The following TMEM178A variants were observed in gnomAD, a reference collection of about 807,000 sequenced individuals.
TMEM178A encodes transmembrane protein 178.
TMEM178A carries 12 observed loss-of-function variants against 29.1 expected under a neutral mutation model. The observed-to-expected ratio is 0.41, with a 90% CI of 0.26 to 0.67. The LOEUF is 0.67. Among genes scored for constraint, TMEM178A ranks in the 30% least tolerant of loss-of-function variants. TMEM178A has a pLI of 0.29. For missense variants in TMEM178A, 366 were observed against 419.1 expected, an observed-to-expected ratio of 0.87 and a Z score of 1.11; for synonymous variants, 210 against 187.2, an observed-to-expected ratio of 1.12 and a Z score of -0.99.
intron 1 of TMEM178A, among the ~76,000 whole-genome samples, chr2:39,671,751 GT>G (rs1171563750): frequency 6.6e-6 from 1 of 152,144 alleles, no homozygotes; most frequent in African/African-American, 2.4e-5. Context: ...TCATGCCACT[GT>G]CCAAAGAATT....
chr2:39,668,530 T>C (rs1361223991), intron 1 of TMEM178A, among the ~76,000 whole-genome samples: 1 of 152,168 alleles, frequency 6.6e-6, no homozygotes, highest in Non-Finnish European at 1.5e-5. Flanking sequence ...TTGTCTGTGG[T>C]ATTATTAGGA....
chr2:39,735,923 A>C, the TMEM178A span: 29 of 152,306 alleles, frequency 1.9e-4, no homozygotes, highest in African/African-American at 6.5e-4. Flanking sequence ...AACAGATTTT[A>C]TGACTTCTGC....
At chr2:39,708,409 A>ATTTTTTTTTT (rs956611778) in intron 3 of TMEM178A, among the ~76,000 whole-genome samples, 2 of 69,676 alleles carry the variant, frequency 2.9e-5, no homozygotes, top group Non-Finnish European at 5.2e-5. Flanking sequence ...GAGTGACTTG[A>ATTTTTTTTTT]TTTTTTTTTT....
chr2:39,717,311 C>A lies in TMEM178A; in HGVS notation c.*60C>A. On this transcript the variant is annotated 3_prime_UTR_variant, in exon 4 of 4. Transcript: ENST00000281961. ...CTCCTGAGGGGAACAGCGCGGAGTTCAGGAGTCCAAGCACAAAGCGGTCTT... is the reference window on the plus strand; with the variant it reads ...CTCCTGAGGGGAACAGCGCGGAGTTAAGGAGTCCAAGCACAAAGCGGTCTT... 1 of 1,557,912 alleles carries A rather than the reference C, an allele frequency of 6.4e-7. No homozygotes were observed. The highest frequency in any genetic ancestry group is 8.7e-7 in the Non-Finnish European group (1 of 1,151,448).
intron 2 of TMEM178A, 147 bp from the exon 3 acceptor site, chr2:39,706,902 T>G (rs1056130286): frequency 3.3e-5 from 28 of 848,514 alleles, no homozygotes; most frequent in South Asian, 2.7e-4. Context: ...CTGGGAAGAG[T>G]ATTCCCTATG....
At chr2:39,677,959 C>T (rs1280879685) in intron 1 of TMEM178A, among the ~76,000 whole-genome samples, 1 of 137,766 alleles carries the variant, frequency 7.3e-6, no homozygotes, top group Non-Finnish European at 1.6e-5. Flanking sequence ...GTAGGTTCGA[C>T]AAGAAAAAAA....
intron 1 of TMEM178A, among the ~76,000 whole-genome samples, chr2:39,669,845 C>G (rs374803514): frequency 2.0e-5 from 3 of 152,200 alleles, no homozygotes; most frequent in Non-Finnish European, 4.4e-5. Context: ...AGAGATATTA[C>G]ATTCATACTG....
intron 1 of TMEM178A, among the ~76,000 whole-genome samples, chr2:39,670,223 T>C (rs1670354197): frequency 6.6e-6 from 1 of 152,202 alleles, no homozygotes; most frequent in African/African-American, 2.4e-5. Context: ...TGTAAAAATC[T>C]GTAAGGTAAG....
intron 1 of TMEM178A, among the ~76,000 whole-genome samples, chr2:39,673,289 T>C (rs896349626): frequency 1.4e-4 from 22 of 152,190 alleles, no homozygotes; most frequent in Non-Finnish European, 2.1e-4. Context: ...AGATAGCTGA[T>C]TGCAGACCCA....
At chr2:39,728,961 T>G in the TMEM178A span, among the ~76,000 whole-genome samples, 5 of 152,058 alleles carry the variant, frequency 3.3e-5, no homozygotes, top group African/African-American at 1.2e-4. Context: ...TTGGAGGGAC[T>G]CCACTGAGAA....
rs192830677 is a variant in TMEM178A at position 39,681,872 on chromosome 2, G to C, written c.400+15498G>C. Among the ~76,000 whole-genome samples, 400 of 152,296 alleles carry C rather than the reference G, an allele frequency of 2.6e-3. 4 individuals are homozygous for C. Among genetic ancestry groups the C allele is most frequent in the African/African-American group, 9.1e-3 (379 of 41,566 alleles). On this transcript the variant is annotated intron_variant, in intron 1 of 3. Transcript: ENST00000281961. ...GTATATGATCAGGAGAATAACATTG[G>C]AACTGCTGGTAGTTATCACCTGTCT...
chr2:39,724,913 G>C, the TMEM178A span, among the ~76,000 whole-genome samples: 2 of 152,144 alleles, frequency 1.3e-5, no homozygotes, highest in Non-Finnish European at 2.9e-5. Context: ...TGGTGACGAT[G>C]GTAAATCGCT....
rs980861636 is a variant in TMEM178A at position 39,706,920 on chromosome 2, G to T, written c.515-129G>T. 5 of 1,076,516 alleles carry T rather than the reference G, an allele frequency of 4.6e-6. No homozygotes were observed. The African/African-American group carries it at 6.4e-5, about 14-fold the overall frequency. 66.7% of individuals were successfully genotyped at this position (1,076,516 alleles called of 1,614,324 possible). On this transcript the variant is annotated intron_variant, in intron 2 of 3. Coordinates refer to ENST00000281961, the MANE Select transcript of TMEM178A (RefSeq NM_152390.3). Reference sequence around the variant, plus strand: ...GGAAGAGTATTCCCTATGCCTCCTTGTCCTGTGGGCTCTAAGCCTGTCCAT... The same window carrying T: ...GGAAGAGTATTCCCTATGCCTCCTTTTCCTGTGGGCTCTAAGCCTGTCCAT...
intron 1 of TMEM178A, among the ~76,000 whole-genome samples, chr2:39,685,340 G>C (rs1671030281): frequency 6.6e-6 from 1 of 152,100 alleles, no homozygotes; most frequent in African/African-American, 2.4e-5. Flanking sequence ...GCTTATCCTG[G>C]GGATGTCAGC....
chr2:39,717,357 T>G lies in TMEM178A; in HGVS notation c.*106T>G, dbSNP rs1294980804. On this transcript the variant is annotated 3_prime_UTR_variant, in exon 4 of 4. Transcript: ENST00000281961. ...GTCTTTTACATTCCAACCTGTTGCC[T>G]GCCAGCCCTTTCTGGATTACTGATA... 2 of 1,453,022 alleles carry G rather than the reference T, an allele frequency of 1.4e-6. No homozygotes were observed. Among genetic ancestry groups the G allele is most frequent in the Non-Finnish European group, 9.2e-7 (1 of 1,090,914 alleles). 90.0% of individuals were successfully genotyped at this position (1,453,022 alleles called of 1,614,324 possible). A position where few individuals can be genotyped will look rare whatever the true frequency, so the allele number is the denominator to read the frequency against.
At chr2:39,696,492 C>T (rs1671546919) in intron 1 of TMEM178A, among the ~76,000 whole-genome samples, 1 of 152,104 alleles carries the variant, frequency 6.6e-6, no homozygotes, top group Admixed American at 6.5e-5. Flanking sequence ...CATTCCTCAC[C>T]ATAACTCAGT....
At chr2:39,735,921 TTA>T in the TMEM178A span, 3 of 152,364 alleles carry the variant, frequency 2.0e-5, no homozygotes, top group East Asian at 5.8e-4. Flanking sequence ...AAAACAGATT[TTA>T]TGACTTCTGC....
intron 1 of TMEM178A, among the ~76,000 whole-genome samples, chr2:39,677,428 G>T (rs1253348014): frequency 6.6e-6 from 1 of 152,108 alleles, no homozygotes; most frequent in African/African-American, 2.4e-5. Flanking sequence ...AAGAAAATTA[G>T]CAAATCACTC....
chr2:39,688,019 A>T (rs1671155250), intron 1 of TMEM178A, among the ~76,000 whole-genome samples: 1 of 152,232 alleles, frequency 6.6e-6, no homozygotes, highest in South Asian at 2.1e-4. Context: ...AGAACCTATC[A>T]GATGAGGGAA....
Sources: allele counts gnomAD v4.1 joint callset (sites outside exome capture counted in the v4.1 genomes callset), GRCh38; gene constraint gnomAD v4.1.1; transcripts MANE v1.5; gene names NCBI Gene and HGNC (gene_info 2026-07-23, HGNC 2026-07-21).